Variants in ROBO2 observed in about 807,000 individuals in gnomAD.
The protein encoded by ROBO2 is roundabout homolog 2.
ROBO2 carries 53 observed loss-of-function variants against 160.8 expected under a neutral mutation model. The observed-to-expected ratio is 0.33, with a 90% CI of 0.26 to 0.41. The LOEUF is 0.41. Among genes scored for constraint, ROBO2 ranks in the 10% least tolerant of loss-of-function variants. The pLI, the probability that ROBO2 is intolerant of heterozygous loss-of-function variation, is 1.00. For synonymous variants in ROBO2, 664 were observed against 611.7 expected (o/e 1.09, Z -1.26); for missense variants, 1,577 against 1,722.4 (o/e 0.92, Z 1.49).
At chr3:77,492,572 C>A (rs2086263637) in intron 4 of ROBO2, among the ~76,000 whole-genome samples, 1 of 151,924 alleles carries the variant, frequency 6.6e-6, no homozygotes, top group East Asian at 1.9e-4. Flanking sequence ...GTAGATATCT[C>A]AAACACTTAA....
intron 2 of ROBO2, among the ~76,000 whole-genome samples, chr3:76,356,615 C>T (rs955301077): frequency 6.6e-6 from 1 of 151,490 alleles, no homozygotes; most frequent in African/African-American, 2.4e-5. Flanking sequence ...CATATTTTTA[C>T]CTGATAACAG....
At chr3:77,200,267 T>TTATATATATATATATATATA (rs144644165) in intron 2 of ROBO2, among the ~76,000 whole-genome samples, 1 of 46,554 alleles carries the variant, frequency 2.1e-5, no homozygotes, top group African/African-American at 5.2e-5. Context: ...CTAACATATT[T>TTATATATATATATATATATA]TATATATATA....
chr3:76,853,687 G>T lies in ROBO2; in HGVS notation c.110-244327G>T, dbSNP rs139409709. ...TTGATAAAACCCCCAAATAATCAAA[G>T]ACCACCAGAAGAGCAGTCTCTAACT... On this transcript the variant is annotated intron_variant, in intron 2 of 26. Transcript: ENST00000487694. Among the ~76,000 whole-genome samples, 38 of 152,180 alleles carry T rather than the reference G, an allele frequency of 2.5e-4. No homozygotes were observed. The East Asian group carries it at 7.3e-3, about 29-fold the overall frequency.
chr3:77,532,214 C>T (rs775757), intron 6 of ROBO2, among the ~76,000 whole-genome samples: 113,429 of 148,916 alleles, frequency 0.76, 43,343 homozygotes, highest in African/African-American at 0.85. Flanking sequence ...ACACTTCTTT[C>T]TTTTTTTTTC....
At chr3:77,208,886 A>G (rs972141490) in intron 2 of ROBO2, among the ~76,000 whole-genome samples, 1 of 152,184 alleles carries the variant, frequency 6.6e-6, no homozygotes, top group Admixed American at 6.5e-5. Flanking sequence ...AAACCTTAGT[A>G]CTTGGACTTC....
intron 2 of ROBO2, among the ~76,000 whole-genome samples, chr3:77,447,707 G>A (rs565966549): frequency 6.6e-6 from 1 of 152,164 alleles, no homozygotes; most frequent in Admixed American, 6.5e-5. Flanking sequence ...TTCAGAGTAG[G>A]AAATCTCATC....
At chr3:77,240,969 C>G (rs569949781) in intron 2 of ROBO2, among the ~76,000 whole-genome samples, 1 of 152,260 alleles carries the variant, frequency 6.6e-6, no homozygotes, top group East Asian at 1.9e-4. Context: ...TCACAACTTA[C>G]TTTTTGTTAT....
chr3:76,413,194 C>T (rs2075585930), intron 2 of ROBO2, among the ~76,000 whole-genome samples: 1 of 152,152 alleles, frequency 6.6e-6, no homozygotes, highest in Non-Finnish European at 1.5e-5. Flanking sequence ...GGGCCCTGCC[C>T]ACGAAACCAC....
chr3:76,623,601 T>C (rs917324723), intron 2 of ROBO2, among the ~76,000 whole-genome samples: 1 of 152,208 alleles, frequency 6.6e-6, no homozygotes, highest in African/African-American at 2.4e-5. Context: ...AAAGTATCTT[T>C]GCAAGTAATT....
chr3:76,058,589 C>CTTTTTTTT (rs10676074), intron 2 of ROBO2, among the ~76,000 whole-genome samples: 108 of 48,782 alleles, frequency 2.2e-3, no homozygotes, highest in South Asian at 2.8e-3. Context: ...ACAGCAGAAA[C>CTTTTTTTT]TTTTTTTTTT....
At chr3:76,291,117 G>A (rs145254099) in intron 2 of ROBO2, among the ~76,000 whole-genome samples, 3,329 of 152,206 alleles carry the variant, frequency 0.022, 42 homozygotes, top group Non-Finnish European at 0.033. Flanking sequence ...AGTAGGATTG[G>A]TACCAGCTCT....
chr3:77,205,288 G>A (rs766640353), intron 2 of ROBO2, among the ~76,000 whole-genome samples: 3 of 151,978 alleles, frequency 2.0e-5, no homozygotes, highest in Non-Finnish European at 4.4e-5. Flanking sequence ...GGAGCTGGGC[G>A]GGGGCAATGG....
At chr3:77,298,946 C>T (rs2062399414) in intron 2 of ROBO2, among the ~76,000 whole-genome samples, 1 of 152,092 alleles carries the variant, frequency 6.6e-6, no homozygotes, top group South Asian at 2.1e-4. Context: ...GTAGCCAGGA[C>T]ATTTCAGAAG....
intron 2 of ROBO2, among the ~76,000 whole-genome samples, chr3:77,286,219 A>C (rs1580671643): frequency 6.6e-6 from 1 of 151,806 alleles, no homozygotes; most frequent in African/African-American, 2.4e-5. Flanking sequence ...AAATACCCCC[A>C]AAAGTAATGG....
At chr3:76,356,690 A>G (rs952814927) in intron 2 of ROBO2, among the ~76,000 whole-genome samples, 3 of 151,916 alleles carry the variant, frequency 2.0e-5, no homozygotes, top group African/African-American at 7.2e-5. Flanking sequence ...ATCTACCGTC[A>G]TAATTGGAGA....
chr3:76,279,536 A>C (rs773808676), intron 2 of ROBO2, among the ~76,000 whole-genome samples: 1 of 151,976 alleles, frequency 6.6e-6, no homozygotes, highest in Non-Finnish European at 1.5e-5. Flanking sequence ...TCAATTGAGT[A>C]AAGGCCAATT....
chr3:77,068,870 A>G (rs1478795152), intron 1 of ROBO2, among the ~76,000 whole-genome samples: 2 of 152,136 alleles, frequency 1.3e-5, no homozygotes, highest in Non-Finnish European at 2.9e-5. Flanking sequence ...TGGTTTTGTG[A>G]TCCGCAAACT....
intron 2 of ROBO2, among the ~76,000 whole-genome samples, chr3:76,567,733 A>G (rs1274588415): frequency 1.8e-5 from 2 of 113,516 alleles, no homozygotes; most frequent in African/African-American, 6.3e-5. Flanking sequence ...GTCAGTATAT[A>G]TATACTGTTT....
intron 2 of ROBO2, among the ~76,000 whole-genome samples, chr3:76,820,030 G>A (rs558684847): frequency 6.6e-6 from 1 of 152,054 alleles, no homozygotes; most frequent in African/African-American, 2.4e-5. Context: ...TGCTCCACCA[G>A]GTAAATCATG....
Sources: allele counts gnomAD v4.1 joint callset (sites outside exome capture counted in the v4.1 genomes callset), GRCh38; gene constraint gnomAD v4.1.1; transcripts MANE v1.5; gene names NCBI Gene and HGNC (gene_info 2026-07-23, HGNC 2026-07-21).